HARS1: variants seen among roughly 807,000 people sequenced by gnomAD.
The protein encoded by HARS1 is histidyl-tRNA synthetase 1.
In HARS1, 45 loss-of-function variants were observed where a neutral mutation model predicts 63.6. That is an observed-to-expected ratio of 0.71 (90% CI 0.56 to 0.91). The LOEUF is 0.91. Among genes scored for constraint, HARS1 ranks in the 40% least tolerant of loss-of-function variants. HARS1 has a pLI of 0.00. For synonymous variants in HARS1, 205 were observed against 247.1 expected, an observed-to-expected ratio of 0.83 and a Z score of 1.60; for missense variants, 508 against 643.2, an observed-to-expected ratio of 0.79 and a Z score of 2.27.
rs11548124 is a variant in HARS1, at chr5:140,676,747, C to T, written c.1101G>A (p.Val367=). The change falls in exon 10 of 13, where the codon GTG becomes GTA. Residue 367 remains valine (V), a synonymous_variant. Coordinates refer to ENST00000504156, the MANE Select transcript of HARS1 (RefSeq NM_002109.6). This position sits in a 1 kb window ranked among gnomAD's most constrained non-coding sequence, Gnocchi z 4.1. ...TGCGCCCTTTGGGGTCGAACATGCCCACTAGCCCATCATAGCGTCCTCCAG... is the reference window on the plus strand; with the variant it reads ...TGCGCCCTTTGGGGTCGAACATGCCTACTAGCCCATCATAGCGTCCTCCAG... The part of the protein sequence containing the change: ...VAAGGRYDGL[V]GMFDPKGRKV... The T allele has an allele frequency of 1.1e-5, 17 of 1,614,246 alleles. No homozygotes were observed. Among genetic ancestry groups the T allele is most frequent in the Non-Finnish European group, 1.4e-5 (17 of 1,180,044 alleles).
In HARS1 at chr5:140,679,333, C is replaced by T; in HGVS notation, c.397-206G>A. ...CTCAAAAAAGATTAAGGCACCTTTC[C>T]CTTTTGTAGTGTTGACTGGACTTTT... On this transcript the variant is annotated intron_variant, in intron 4 of 12. Transcript: ENST00000504156. This position sits in a 1 kb window ranked among gnomAD's most constrained non-coding sequence, Gnocchi z 4.3. The T allele has an allele frequency of 1.9e-6, 1 of 528,956 alleles. No homozygotes were observed. The highest frequency in any genetic ancestry group is 2.4e-5 in the South Asian group (1 of 41,976). 32.8% of individuals were successfully genotyped at this position (528,956 alleles called of 1,614,324 possible). A position where few individuals can be genotyped will look rare whatever the true frequency, so the allele number is the denominator to read the frequency against.
intron 3 of HARS1, among the ~76,000 whole-genome samples, chr5:140,682,229 T>C (rs901891811): frequency 6.6e-6 from 1 of 152,112 alleles, no homozygotes; most frequent in Non-Finnish European, 1.5e-5. Context: ...ATTTGTATTT[T>C]TTTTTTTTAA....
At chr5:140,690,773 C>G (rs573183310) in intron 2 of HARS1, 82 bp downstream of exon 2, 159 of 824,516 alleles carry the variant, frequency 1.9e-4, no homozygotes, top group Middle Eastern at 1.2e-3. Flanking sequence ...TCCTCAATGA[C>G]CTGGTTTAGG....
In HARS1 at chr5:140,676,178, C is replaced by G. The variant is rs985279897; in HGVS notation, c.1194+476G>C. On this transcript the variant is annotated intron_variant, in intron 10 of 12. Transcript: ENST00000504156. The surrounding 1 kb of genome is among the most constrained non-coding windows in gnomAD (Gnocchi z 4.1). Reference sequence around the variant, plus strand: ...GACTGCCTGGATTCAAATTCTGACCCTACCACTTACAAGTTTCATGGCCTT... The same window carrying G: ...GACTGCCTGGATTCAAATTCTGACCGTACCACTTACAAGTTTCATGGCCTT... 1 of 156,592 alleles carries G rather than the reference C, an allele frequency of 6.4e-6. No individual in the cohort carries two copies. The highest frequency in any genetic ancestry group is 2.4e-5 in the African/African-American group (1 of 41,472). The allele number at this position is 156,592 out of a possible 1,614,324, so 9.7% of individuals were successfully genotyped here.
chr5:140,684,374 T>C, intron 2 of HARS1: 1 of 984,050 alleles, frequency 1.0e-6, no homozygotes, highest in Non-Finnish European at 1.2e-6. Flanking sequence ...ATAGGCAATA[T>C]AACCAACTCA....
At chr5:140,677,220 T>C (rs1758432872) in intron 8 of HARS1, 104 bp from the exon 9 acceptor site, 9 of 1,367,000 alleles carry the variant, frequency 6.6e-6, no homozygotes, top group Admixed American at 1.7e-5. Flanking sequence ...TGTGTGTACA[T>C]ATGCATAGAC....
At chr5:140,678,874 C>G (rs1193626003) in intron 5 of HARS1, 128 bp downstream of exon 5, 1 of 973,162 alleles carries the variant, frequency 1.0e-6, no homozygotes, top group Non-Finnish European at 1.5e-6. Flanking sequence ...AAAAAACCAC[C>G]ATAGAAACCC....
Position 140,690,707 on chromosome 5 carries a change from C to T in HARS1, c.180+148G>A, listed in dbSNP as rs142305093. The T allele has an allele frequency of 7.6e-4, 483 of 638,196 alleles. 4 individuals are homozygous for T. The East Asian group carries it at 0.013, about 17-fold the overall frequency. 39.5% of individuals were successfully genotyped at this position (638,196 alleles called of 1,614,324 possible). A position where few individuals can be genotyped will look rare whatever the true frequency, so the allele number is the denominator to read the frequency against. Reference sequence around the variant, plus strand: ...CATCCCAGAATGACTCAGGTAGAGTCCAGTCCAGCCCAGCGCCCAGAGCGA... The same window carrying T: ...CATCCCAGAATGACTCAGGTAGAGTTCAGTCCAGCCCAGCGCCCAGAGCGA... On this transcript the variant is annotated intron_variant, in intron 2 of 12. Transcript: ENST00000504156.
chr5:140,686,779 G>T (rs1268254319), intron 2 of HARS1, among the ~76,000 whole-genome samples: 1 of 150,870 alleles, frequency 6.6e-6, no homozygotes, highest in Non-Finnish European at 1.5e-5. Context: ...TTTTAGTAGA[G>T]ATGGGGTTTC....
intron 2 of HARS1, among the ~76,000 whole-genome samples, chr5:140,688,794 T>C (rs990326901): frequency 3.3e-5 from 5 of 152,212 alleles, no homozygotes; most frequent in Non-Finnish European, 7.3e-5. Context: ...GTGAACAATA[T>C]GCTTGATGTG....
rs1279633697 is a variant in HARS1, at chr5:140,679,159, C to T, written c.397-32G>A. ...ACAAAGAGTTAAGGAGAAAGCCCCT[C>T]CTATCACTGTCTGCAAGTTGATTAT... is the stretch of plus-strand genomic sequence containing the variant. On this transcript the variant is annotated intron_variant, in intron 4 of 12. Transcript: ENST00000504156. This position sits in a 1 kb window ranked among gnomAD's most constrained non-coding sequence, Gnocchi z 4.3. The T allele has an allele frequency of 6.2e-7, 1 of 1,611,384 alleles. No individual in the cohort carries two copies. Among genetic ancestry groups the T allele is most frequent in the African/African-American group, 1.3e-5 (1 of 74,846 alleles).
intron 3 of HARS1, among the ~76,000 whole-genome samples, chr5:140,681,584 G>A (rs1041159657): frequency 3.3e-5 from 5 of 152,074 alleles, no homozygotes; most frequent in Admixed American, 3.3e-4. Flanking sequence ...CAGGAGAATC[G>A]CTTGAACCTG....
At position 140,679,203 on chromosome 5, in the gene HARS1, G is replaced by A; in HGVS notation, c.397-76C>T. 2.0e-6 allele frequency: 3 copies of A among 1,473,600 alleles called. No homozygotes were observed. The South Asian group carries it at 3.5e-5, about 17-fold the overall frequency. 91.3% of individuals were successfully genotyped at this position (1,473,600 alleles called of 1,614,324 possible). ...TGATTATCATCACCAACAGAAGCTG[G>A]GGTCTAACCCCTCCCTATGTGGGTA... On this transcript the variant is annotated intron_variant, in intron 4 of 12. Coordinates refer to ENST00000504156, the MANE Select transcript of HARS1 (RefSeq NM_002109.6). The surrounding 1 kb of genome is among the most constrained non-coding windows in gnomAD (Gnocchi z 4.3).
Position 140,690,927 on chromosome 5 carries a change from C to T in HARS1, c.108G>A (p.Ala36=), listed in dbSNP as rs771625842. The T allele has an allele frequency of 1.2e-6, 2 of 1,604,268 alleles. No homozygotes were observed. Among genetic ancestry groups the T allele is most frequent in the South Asian group, 1.1e-5 (1 of 90,908 alleles). The change falls in exon 2 of 13, where the codon GCG becomes GCA. Residue 36 remains alanine (A), a synonymous_variant. Transcript: ENST00000504156. ...ASAELIEEEV[A]KLLKLKAQLG... ...GCTGTGCCTTCAGTTTCAGGAGTTT[C>T]GCCACCTCCTCCTCGATCTGTGGAG...
At chr5:140,678,350 G>A (rs1758516668) in intron 5 of HARS1, 4 of 334,898 alleles carry the variant, frequency 1.2e-5, no homozygotes, top group Non-Finnish European at 2.2e-5. Context: ...ATGTATCAAA[G>A]CTAATTTCCT....
chr5:140,685,999 G>A lies in HARS1; in HGVS notation c.181-2780C>T, dbSNP rs565664740. Among the ~76,000 whole-genome samples, 127 of 147,412 alleles carry A rather than the reference G, an allele frequency of 8.6e-4. 1 individual carries two copies. The South Asian group carries it at 0.022, about 25-fold the overall frequency. Reference sequence around the variant, plus strand: ...GGCTGAAGTGCAGTGGTGTGATCTCGGCTCACTGCAACCTCCACCTCCCAG... The same window carrying A: ...GGCTGAAGTGCAGTGGTGTGATCTCAGCTCACTGCAACCTCCACCTCCCAG... On this transcript the variant is annotated intron_variant, in intron 2 of 12. Transcript: ENST00000504156.
At chr5:140,680,856 C>G (rs1172591911) in intron 3 of HARS1, among the ~76,000 whole-genome samples, 1 of 151,318 alleles carries the variant, frequency 6.6e-6, no homozygotes, top group African/African-American at 2.4e-5. Flanking sequence ...AAAAAAAATT[C>G]CCCATAACAT....
At chr5:140,680,427 G>A (rs925975983) in intron 3 of HARS1, among the ~76,000 whole-genome samples, 1 of 152,068 alleles carries the variant, frequency 6.6e-6, no homozygotes, top group African/African-American at 2.4e-5. Flanking sequence ...TTACAAGTGC[G>A]AGCCACAGCG....
In HARS1 at chr5:140,679,254, C is replaced by CA; in HGVS notation, c.397-128dup. The CA allele has an allele frequency of 1.3e-6, 1 of 779,664 alleles. No individual in the cohort carries two copies. The highest frequency in any genetic ancestry group is 2.1e-6 in the Non-Finnish European group (1 of 470,458). 48.3% of individuals were successfully genotyped at this position (779,664 alleles called of 1,614,324 possible). A position where few individuals can be genotyped will look rare whatever the true frequency, so the allele number is the denominator to read the frequency against. Reference sequence around the variant, plus strand: ...AAACTGCCACCCATAAGATTAATAGCACTTACAAACATCAGAAAGCATCAG... The same window carrying CA: ...AAACTGCCACCCATAAGATTAATAGCAACTTACAAACATCAGAAAGCATCAG... On this transcript the variant is annotated intron_variant, in intron 4 of 12. Transcript: ENST00000504156. This position sits in a 1 kb window ranked among gnomAD's most constrained non-coding sequence, Gnocchi z 4.3.
Sources: gnomAD v4.1 joint callset for allele counts (sites outside exome capture counted in the v4.1 genomes callset) on GRCh38, gnomAD v4.1.1 for gene constraint, Gnocchi (gnomAD v3.1) non-coding constraint, MANE v1.5 for transcripts, NCBI Gene and HGNC (gene_info 2026-07-23, HGNC 2026-07-21) for gene names.